JDP2: variants seen among roughly 807,000 people sequenced by gnomAD.
The protein encoded by JDP2 is progesterone receptor co-activator.
In JDP2, 9 loss-of-function variants were observed where a neutral mutation model predicts 17.1. The ratio of observed to expected loss-of-function variants is 0.53; its 90% CI spans 0.32 to 0.92. The LOEUF (loss-of-function observed/expected upper bound fraction) is 0.92, where lower values mean the gene tolerates loss of function less well. JDP2 is among the 40% of genes least tolerant of loss of function. The pLI is 0.04. For missense variants in JDP2, 179 were observed against 220.0 expected (o/e 0.81, Z 1.18); for synonymous variants, 107 against 95.6 (o/e 1.12, Z -0.69).
Position 75,468,880 on chromosome 14 carries a change from C to G in JDP2, c.307-410C>G, listed in dbSNP as rs76606264. ...CTGCCATCTGGGTCCCCTCTTGGGCCCCCCCATGCTTGCTCCGTAGACCTG... is the reference window on the plus strand; with the variant it reads ...CTGCCATCTGGGTCCCCTCTTGGGCGCCCCCATGCTTGCTCCGTAGACCTG... On this transcript the variant is annotated intron_variant, in intron 3 of 3. Coordinates refer to ENST00000651602, the MANE Select transcript of JDP2 (RefSeq NM_001135048.2). 4.9e-3 allele frequency among the ~76,000 whole-genome samples: 750 copies of G among 152,340 alleles called. 8 individuals carry two copies. Among genetic ancestry groups the G allele is most frequent in the African/African-American group, 0.017 (714 of 41,576 alleles).
At chr14:75,454,395 T>C (rs1180501775) in intron 2 of JDP2, among the ~76,000 whole-genome samples, 1 of 152,212 alleles carries the variant, frequency 6.6e-6, no homozygotes, top group Non-Finnish European at 1.5e-5. Flanking sequence ...GTTCTTAGTT[T>C]CCTCATCTGC....
intron 1 of JDP2, chr14:75,432,143 G>T: frequency 3.2e-6 from 2 of 619,262 alleles, no homozygotes; most frequent in Non-Finnish European, 5.8e-6. Flanking sequence ...TCTGAAGAGG[G>T]CCTTTTGCTG....
chr14:75,439,723 G>A (rs918659433), intron 2 of JDP2, among the ~76,000 whole-genome samples: 1 of 152,208 alleles, frequency 6.6e-6, no homozygotes, highest in East Asian at 1.9e-4. Context: ...CCAATGTGTC[G>A]TTGGGGCACA....
At chr14:75,455,138 A>T (rs1210039062) in intron 2 of JDP2, among the ~76,000 whole-genome samples, 2 of 152,180 alleles carry the variant, frequency 1.3e-5, no homozygotes, top group Non-Finnish European at 2.9e-5. Flanking sequence ...CTGGGCACAC[A>T]AATCTGCGTG....
rs1884654748 is a variant in JDP2, at chr14:75,428,778, T to C, written c.-24+526T>C. Among the ~76,000 whole-genome samples the C allele has an allele frequency of 6.6e-6, 1 of 152,118 alleles. No individual in the cohort carries two copies. The highest frequency in any genetic ancestry group is 2.1e-4 in the South Asian group (1 of 4,832). On this transcript the variant is annotated intron_variant, in intron 1 of 3. Transcript: ENST00000651602. This position sits in a 1 kb window ranked among gnomAD's most constrained non-coding sequence, Gnocchi z 5.6. ...AGGACCCGGACCCGGAGGAGAGTAT[T>C]GAGAAGGGCTCGGGATTTCCATCCA...
upstream of JDP2, chr14:75,427,309 C>A (rs1884568322): frequency 6.6e-6 from 1 of 152,584 alleles, no homozygotes; most frequent in Non-Finnish European, 1.5e-5. The surrounding 1 kb of genome is among the most constrained non-coding windows in gnomAD (Gnocchi z 4.4). Context: ...CGGTCTCAGG[C>A]TGCAGCCCTA....
In JDP2 at chr14:75,471,382, A is replaced by G. The variant is rs1022824062; in HGVS notation, c.*1907A>G. ...TCTCAAGGCATGTCACGCATGAGGA[A>G]GGCGGGAGAGGTGTTTTTAGCTTCC... On this transcript the variant is annotated 3_prime_UTR_variant, in exon 4 of 4. Coordinates refer to ENST00000651602, the MANE Select transcript of JDP2 (RefSeq NM_001135048.2). The G allele has an allele frequency of 5.3e-5, 8 of 152,310 alleles. No homozygotes were observed. Among genetic ancestry groups the G allele is most frequent in the Non-Finnish European group, 1.2e-4 (8 of 68,074 alleles). The allele number at this position is 152,310 out of a possible 1,614,324, so 9.4% of individuals were successfully genotyped here. A position where few individuals can be genotyped will look rare whatever the true frequency, so the allele number is the denominator to read the frequency against.
At chr14:75,453,746 C>T (rs1885975636) in intron 2 of JDP2, among the ~76,000 whole-genome samples, 1 of 152,238 alleles carries the variant, frequency 6.6e-6, no homozygotes, top group African/African-American at 2.4e-5. Context: ...GACCACCCCC[C>T]AACCCCACCA....
At chr14:75,442,563 G>A (rs939839888) in intron 2 of JDP2, among the ~76,000 whole-genome samples, 1 of 151,984 alleles carries the variant, frequency 6.6e-6, no homozygotes, top group Non-Finnish European at 1.5e-5. Context: ...TTCCTTGATC[G>A]CTCTACCTCC....
intron 3 of JDP2, among the ~76,000 whole-genome samples, chr14:75,462,402 A>G (rs1886381274): frequency 6.6e-6 from 1 of 152,192 alleles, no homozygotes; most frequent in Non-Finnish European, 1.5e-5. Context: ...AATAGTTGCC[A>G]CTATTTGTAA....
chr14:75,430,361 T>C lies in JDP2; in HGVS notation c.-24+2109T>C, dbSNP rs1166557202. On this transcript the variant is annotated intron_variant, in intron 1 of 3. Coordinates refer to ENST00000651602, the MANE Select transcript of JDP2 (RefSeq NM_001135048.2). The surrounding 1 kb of genome is among the most constrained non-coding windows in gnomAD (Gnocchi z 4.5). The stretch of plus-strand genomic sequence containing the variant: ...TCAACTTGAGCAATCAGAGCCAGGG[T>C]TGAGGGCAAGCTACATTCTTTTCTG... Among the ~76,000 whole-genome samples the C allele has an allele frequency of 2.6e-5, 4 of 152,178 alleles. No individual in the cohort carries two copies. The highest frequency in any genetic ancestry group is 7.2e-5 in the African/African-American group (3 of 41,426).
At chr14:75,456,350 G>C (rs1886107883) in intron 2 of JDP2, among the ~76,000 whole-genome samples, 1 of 152,148 alleles carries the variant, frequency 6.6e-6, no homozygotes, top group African/African-American at 2.4e-5. Context: ...TCCGTGTTCT[G>C]TGTGTTTCTC....
chr14:75,449,603 T>C (rs893020284), intron 2 of JDP2, among the ~76,000 whole-genome samples: 4 of 152,342 alleles, frequency 2.6e-5, no homozygotes, highest in African/African-American at 7.2e-5. Flanking sequence ...TTGAAGTGAC[T>C]GTCAATTGGA....
At chr14:75,427,752 G>A (rs987487140), upstream of JDP2, 1 of 152,206 alleles carries the variant, frequency 6.6e-6, no homozygotes, top group African/African-American at 2.4e-5. The surrounding 1 kb of genome is among the most constrained non-coding windows in gnomAD (Gnocchi z 4.4). Context: ...GTGGGGTGGC[G>A]GAGCCGGGGG....
intron 2 of JDP2, among the ~76,000 whole-genome samples, chr14:75,457,304 G>T (rs921886841): frequency 1.3e-5 from 2 of 152,238 alleles, no homozygotes; most frequent in African/African-American, 4.8e-5. Flanking sequence ...GAAGGAGGAG[G>T]CAGCAGCCCT....
rs145288830 is a variant in JDP2 at position 75,438,226 on chromosome 14, G to A, written c.201+105G>A. 2.7e-3 allele frequency: 2,334 copies of A among 851,598 alleles called. 14 individuals are homozygous for A. Among genetic ancestry groups the A allele is most frequent in the Middle Eastern group, 3.2e-3 (11 of 3,472 alleles). 52.8% of individuals were successfully genotyped at this position (851,598 alleles called of 1,614,324 possible). On this transcript the variant is annotated intron_variant, in intron 2 of 3. Coordinates refer to ENST00000651602, the MANE Select transcript of JDP2 (RefSeq NM_001135048.2). ...TGTGGTCTGAGGACCAGTATCATCCGTACCACCCTGGGGTTATCAGAAATG... is the reference window on the plus strand; with the variant it reads ...TGTGGTCTGAGGACCAGTATCATCCATACCACCCTGGGGTTATCAGAAATG...
chr14:75,445,123 C>G, intron 2 of JDP2: 1 of 985,366 alleles, frequency 1.0e-6, no homozygotes, highest in South Asian at 4.7e-5. Context: ...AGTTGGGAAA[C>G]TGAGTCCTCT....
At position 75,470,156 on chromosome 14, in the gene JDP2, T is replaced by C. The variant is rs1285129539; in HGVS notation, c.*681T>C. ...TCCTGGCAGGGCTTTCAACTGCACA[T>C]GTTTTTTATACTTTCCTTTTTTTTT... is the stretch of plus-strand genomic sequence containing the variant. On this transcript the variant is annotated 3_prime_UTR_variant, in exon 4 of 4. Coordinates refer to ENST00000651602, the MANE Select transcript of JDP2 (RefSeq NM_001135048.2). 1 of 151,858 alleles carries C rather than the reference T, an allele frequency of 6.6e-6. No homozygotes were observed. The highest frequency in any genetic ancestry group is 1.5e-5 in the Non-Finnish European group (1 of 67,884). 9.4% of individuals were successfully genotyped at this position (151,858 alleles called of 1,614,324 possible). A position where few individuals can be genotyped will look rare whatever the true frequency, so the allele number is the denominator to read the frequency against.
chr14:75,437,466 G>C (rs1885121296), intron 1 of JDP2, among the ~76,000 whole-genome samples: 3 of 152,230 alleles, frequency 2.0e-5, no homozygotes, highest in African/African-American at 4.8e-5. Flanking sequence ...TTCAGAGACT[G>C]TATGCTGCCA....
Sources: allele counts gnomAD v4.1 joint callset (sites outside exome capture counted in the v4.1 genomes callset), GRCh38; gene constraint gnomAD v4.1.1; non-coding constraint Gnocchi (gnomAD v3.1); transcripts MANE v1.5; gene names NCBI Gene and HGNC (gene_info 2026-07-23, HGNC 2026-07-21).